CADPS: variants seen among roughly 807,000 people sequenced by gnomAD.
CADPS encodes the protein calcium dependent secretion activator.
Under a neutral mutation model 167.3 loss-of-function variants are expected in CADPS, and 57 were observed. The ratio of observed to expected loss-of-function variants is 0.34; its 90% CI spans 0.28 to 0.42. The LOEUF is 0.42. CADPS is among the 20% of genes least tolerant of loss of function. The pLI is 1.00. For synonymous variants in CADPS, 676 were observed against 635.3 expected (o/e 1.06, Z -0.96); for missense variants, 1,414 against 1,738.1 (o/e 0.81, Z 3.32).
intron 27 of CADPS, among the ~76,000 whole-genome samples, chr3:62,443,829 T>C (rs1007581362): frequency 3.9e-5 from 6 of 152,168 alleles, no homozygotes; most frequent in Non-Finnish European, 7.3e-5. Flanking sequence ...AATGGACTAA[T>C]GCACCTAACG....
chr3:62,821,158 A>G (rs574100041), intron 1 of CADPS, among the ~76,000 whole-genome samples: 1 of 151,856 alleles, frequency 6.6e-6, no homozygotes, highest in African/African-American at 2.4e-5. Flanking sequence ...TAGATTAGAC[A>G]CTCTTTTCAT....
intron 19 of CADPS, among the ~76,000 whole-genome samples, chr3:62,493,095 G>A (rs1308852507): frequency 6.6e-6 from 1 of 152,184 alleles, no homozygotes; most frequent in Non-Finnish European, 1.5e-5. Flanking sequence ...AAAACACTGA[G>A]TAAGATCAGG....
rs576506251 is a variant in CADPS at position 62,458,310 on chromosome 3, C to A, written c.3636+7057G>T. On this transcript the variant is annotated intron_variant, in intron 26 of 29. Coordinates refer to ENST00000383710, the MANE Select transcript of CADPS (RefSeq NM_003716.4). This position sits in a 1 kb window ranked among gnomAD's most constrained non-coding sequence, Gnocchi z 4.6. ...ACCAAGGCTCAGAAACGGTCAATAG[C>A]CTGCCTACGTTTCTGTTAGTCTGGG... is the stretch of plus-strand genomic sequence containing the variant. 6.6e-6 allele frequency among the ~76,000 whole-genome samples: 1 copy of A among 152,198 alleles called. No individual in the cohort carries two copies. Among genetic ancestry groups the A allele is most frequent in the African/African-American group, 2.4e-5 (1 of 41,540 alleles).
intron 3 of CADPS, among the ~76,000 whole-genome samples, chr3:62,666,010 G>A (rs1052543119): frequency 6.6e-6 from 1 of 152,214 alleles, no homozygotes; most frequent in Non-Finnish European, 1.5e-5. Flanking sequence ...CCACAGTGGG[G>A]CGTCAAAGGT....
chr3:62,527,892 T>C (rs1383753969), intron 13 of CADPS, among the ~76,000 whole-genome samples: 1 of 152,180 alleles, frequency 6.6e-6, no homozygotes, highest in African/African-American at 2.4e-5. Context: ...GAACAAAGAA[T>C]AGATAACATC....
chr3:62,616,565 C>T (rs992368500), intron 6 of CADPS, among the ~76,000 whole-genome samples: 5 of 152,046 alleles, frequency 3.3e-5, no homozygotes, highest in African/African-American at 7.2e-5. Flanking sequence ...CCAGGGACCC[C>T]GGCTGGGTCA....
chr3:62,648,175 A>G (rs1281666480), intron 5 of CADPS, among the ~76,000 whole-genome samples: 3 of 152,136 alleles, frequency 2.0e-5, no homozygotes, highest in Non-Finnish European at 1.5e-5. Context: ...ACATTCACAA[A>G]CAGATGTGCA....
At chr3:62,647,564 A>G (rs897550070) in intron 5 of CADPS, among the ~76,000 whole-genome samples, 1 of 152,186 alleles carries the variant, frequency 6.6e-6, no homozygotes, top group African/African-American at 2.4e-5. Flanking sequence ...TTTCTTTCAA[A>G]TCTCCAGGGC....
chr3:62,843,752 T>G (rs991422819), intron 1 of CADPS, among the ~76,000 whole-genome samples: 7 of 152,068 alleles, frequency 4.6e-5, no homozygotes, highest in Non-Finnish European at 1.0e-4. Context: ...TGGAAGTCAC[T>G]CAGATACTTC....
intron 1 of CADPS, among the ~76,000 whole-genome samples, chr3:62,775,764 C>A (rs1427221046): frequency 6.6e-6 from 1 of 152,170 alleles, no homozygotes; most frequent in Non-Finnish European, 1.5e-5. Context: ...TGTCCTTCCT[C>A]GTGCTGCCTG....
intron 28 of CADPS, 134 bp downstream of exon 28, chr3:62,437,970 G>A: frequency 3.2e-6 from 2 of 624,890 alleles, no homozygotes; most frequent in East Asian, 5.7e-5. Context: ...TAAGGCAGAG[G>A]GAGAGGAAAA....
chr3:62,683,349 C>T (rs1353915695), intron 3 of CADPS, among the ~76,000 whole-genome samples: 2 of 151,906 alleles, frequency 1.3e-5, no homozygotes, highest in African/African-American at 2.4e-5. Context: ...GTGGCCAAAC[C>T]GACTAAATAT....
At chr3:62,799,551 G>C (rs1413976753) in intron 1 of CADPS, among the ~76,000 whole-genome samples, 1 of 152,156 alleles carries the variant, frequency 6.6e-6, no homozygotes, top group Admixed American at 6.6e-5. Context: ...GCAAGATAAT[G>C]TTAGGATTAC....
At position 62,698,825 on chromosome 3, in the gene CADPS, G is replaced by C. The variant is rs114055280; in HGVS notation, c.889-36431C>G. Among the ~76,000 whole-genome samples the C allele has an allele frequency of 9.5e-3, 1,252 of 131,788 alleles. 19 individuals carry two copies. Among genetic ancestry groups the C allele is most frequent in the African/African-American group, 0.034 (1,191 of 35,250 alleles). The allele number at this position is 131,788 out of a possible 152,430, so 86.5% of individuals were successfully genotyped here. A position where few individuals can be genotyped will look rare whatever the true frequency, so the allele number is the denominator to read the frequency against. On this transcript the variant is annotated intron_variant, in intron 3 of 29. Coordinates refer to ENST00000383710, the MANE Select transcript of CADPS (RefSeq NM_003716.4). ...TATGATCATTGCTCACTGCAGCCTT[G>C]GCCTTCTGGGCTCAAGCAATCCTCC...
intron 1 of CADPS, among the ~76,000 whole-genome samples, chr3:62,797,634 G>A (rs2093512273): frequency 6.6e-6 from 1 of 152,036 alleles, no homozygotes; most frequent in Admixed American, 6.6e-5. Context: ...TGGACACATA[G>A]AGAAGAACAA....
chr3:62,606,113 A>G (rs956214854), intron 6 of CADPS, among the ~76,000 whole-genome samples: 2 of 151,996 alleles, frequency 1.3e-5, no homozygotes, highest in Admixed American at 6.6e-5. Flanking sequence ...TTATTGTTCA[A>G]TGGGATTCAC....
chr3:62,511,538 G>A (rs1208789344), intron 17 of CADPS, among the ~76,000 whole-genome samples: 1 of 152,080 alleles, frequency 6.6e-6, no homozygotes, highest in Non-Finnish European at 1.5e-5. Flanking sequence ...CATTAAATAA[G>A]CATTCATTAT....
At chr3:62,628,003 T>C (rs2064445802) in intron 6 of CADPS, among the ~76,000 whole-genome samples, 1 of 152,192 alleles carries the variant, frequency 6.6e-6, no homozygotes, top group African/African-American at 2.4e-5. Context: ...GGTGAAATTT[T>C]CATAGTAGTC....
intron 1 of CADPS, among the ~76,000 whole-genome samples, chr3:62,851,889 C>G (rs2153106538): frequency 6.6e-6 from 1 of 151,886 alleles, no homozygotes; most frequent in African/African-American, 2.4e-5. Flanking sequence ...TGGTTCCATT[C>G]TCCGCATCAC....
Sources: gnomAD v4.1 joint callset for allele counts (sites outside exome capture counted in the v4.1 genomes callset) on GRCh38, gnomAD v4.1.1 for gene constraint, Gnocchi (gnomAD v3.1) non-coding constraint, MANE v1.5 for transcripts, NCBI Gene and HGNC (gene_info 2026-07-23, HGNC 2026-07-21) for gene names.